The following GMDS variants were observed in gnomAD, a reference collection of about 807,000 sequenced individuals.
GMDS encodes GDP-mannose 4,6 dehydratase.
GMDS carries 20 observed loss-of-function variants against 49.9 expected under a neutral mutation model. That is an observed-to-expected ratio of 0.40 (90% CI 0.28 to 0.58). The LOEUF (loss-of-function observed/expected upper bound fraction) is 0.58, where lower values mean the gene tolerates loss of function less well. GMDS is among the 20% of genes least tolerant of loss of function. The probability of loss-of-function intolerance (pLI) is 0.42; values close to 1 mark genes in which losing one functional copy is unlikely to be tolerated. For synonymous variants in GMDS, 177 were observed against 178.6 expected, an observed-to-expected ratio of 0.99 and a Z score of 0.07; for missense variants, 362 against 481.4, an observed-to-expected ratio of 0.75 and a Z score of 2.32.
chr6:1,960,765 T>G lies in GMDS; in HGVS notation c.538+9A>C. The G allele has an allele frequency of 6.4e-7, 1 of 1,555,840 alleles. No individual in the cohort carries two copies. The highest frequency in any genetic ancestry group is 8.8e-7 in the Non-Finnish European group (1 of 1,135,310). ...ACACATGTGCTCCGGTGTGCACGCA[T>G]GTTCTCACCATAGGGTGACCGGGGA... On this transcript the variant is annotated intron_variant, in intron 5 of 10. Coordinates refer to ENST00000380815, the MANE Select transcript of GMDS (RefSeq NM_001500.4).
At chr6:1,936,153 C>G (rs1388978556) in intron 6 of GMDS, among the ~76,000 whole-genome samples, 1 of 152,166 alleles carries the variant, frequency 6.6e-6, no homozygotes, top group Non-Finnish European at 1.5e-5. Flanking sequence ...GTGCTATTAT[C>G]TTAAGCAAGT....
At position 1,798,997 on chromosome 6, in the gene GMDS, T is replaced by C. The variant is rs3778525; in HGVS notation, c.772-56411A>G. Among the ~76,000 whole-genome samples the C allele has an allele frequency of 5.9e-5, 9 of 152,336 alleles. No individual in the cohort carries two copies. The East Asian group carries it at 1.5e-3, about 26-fold the overall frequency. On this transcript the variant is annotated intron_variant, in intron 7 of 10. Coordinates refer to ENST00000380815, the MANE Select transcript of GMDS (RefSeq NM_001500.4). ...AGGGTGTTCTGGGCCTGGTCCATAC[T>C]TCACCAGCCAGCAAAGAGGCATTTT...
chr6:1,639,999 A>G (rs1466723890), intron 9 of GMDS, among the ~76,000 whole-genome samples: 1 of 152,224 alleles, frequency 6.6e-6, no homozygotes, highest in Non-Finnish European at 1.5e-5. Context: ...CTGTTGAATG[A>G]TATCGACCAA....
chr6:2,138,720 G>C lies in GMDS; in HGVS notation c.103-13989C>G, dbSNP rs375194704. On this transcript the variant is annotated intron_variant, in intron 1 of 10. Transcript: ENST00000380815. ...GTATTCCTTTACAGTAATGCAAAAC[G>C]GACTAATAAAACACTAAATTCTGCT... 2.0e-5 allele frequency among the ~76,000 whole-genome samples: 3 copies of C among 152,024 alleles called. No homozygotes were observed. The East Asian group carries it at 5.8e-4, about 29-fold the overall frequency.
intron 4 of GMDS, among the ~76,000 whole-genome samples, chr6:1,999,985 A>ATATATATATTATATATATATTT (rs1554144036): frequency 2.7e-4 from 3 of 10,936 alleles, no homozygotes; most frequent in African/African-American, 9.9e-4. Context: ...TATATATTTT[A>ATATATATATTATATATATATTT]TATATATATA....
At chr6:2,170,300 T>C (rs1273426491) in intron 1 of GMDS, among the ~76,000 whole-genome samples, 2 of 152,164 alleles carry the variant, frequency 1.3e-5, no homozygotes, top group Non-Finnish European at 2.9e-5. Context: ...TTAAATCCAT[T>C]ATCCTTGTTA....
intron 4 of GMDS, among the ~76,000 whole-genome samples, chr6:1,999,072 C>T (rs1469478089): frequency 6.6e-6 from 1 of 151,836 alleles, no homozygotes; most frequent in South Asian, 2.1e-4. Flanking sequence ...GCCTGTAATC[C>T]CAGCACTTTG....
intron 7 of GMDS, among the ~76,000 whole-genome samples, chr6:1,779,467 G>A (rs1768986147): frequency 6.6e-6 from 1 of 152,166 alleles, no homozygotes; most frequent in Non-Finnish European, 1.5e-5. Flanking sequence ...TGTGTGAATT[G>A]AGAAGCTTCT....
chr6:2,048,991 C>T (rs1055435419), intron 4 of GMDS, among the ~76,000 whole-genome samples: 5 of 152,032 alleles, frequency 3.3e-5, no homozygotes, highest in African/African-American at 1.2e-4. Context: ...ACATGGGATT[C>T]GTGCCCTTAT....
chr6:1,633,352 A>T (rs1763051785), intron 9 of GMDS, among the ~76,000 whole-genome samples: 1 of 152,168 alleles, frequency 6.6e-6, no homozygotes, highest in Admixed American at 6.5e-5. Flanking sequence ...CAAACATTTC[A>T]CAGTCTCTTG....
At chr6:1,992,554 C>A (rs965595564) in intron 4 of GMDS, among the ~76,000 whole-genome samples, 2 of 152,214 alleles carry the variant, frequency 1.3e-5, no homozygotes, top group South Asian at 2.1e-4. Flanking sequence ...CCCTAGAAAT[C>A]TGCATGGCTA....
intron 6 of GMDS, among the ~76,000 whole-genome samples, chr6:1,936,196 T>C (rs559926293): frequency 6.6e-6 from 1 of 152,280 alleles, no homozygotes; most frequent in East Asian, 1.9e-4. Flanking sequence ...ACCAATAAAA[T>C]GGGATCACAA....
intron 1 of GMDS, among the ~76,000 whole-genome samples, chr6:2,161,352 GTA>G (rs1293134953): frequency 6.6e-6 from 1 of 152,032 alleles, no homozygotes; most frequent in African/African-American, 2.4e-5. Context: ...TTAGTTCTGT[GTA>G]TATGTTAGTT....
intron 1 of GMDS, among the ~76,000 whole-genome samples, chr6:2,189,584 C>T (rs1455553607): frequency 6.6e-6 from 1 of 152,166 alleles, no homozygotes; most frequent in African/African-American, 2.4e-5. Context: ...AGCCACTGCC[C>T]TCTGTGCTCT....
chr6:1,692,907 T>G (rs1038837200), intron 9 of GMDS, among the ~76,000 whole-genome samples: 4 of 152,264 alleles, frequency 2.6e-5, no homozygotes, highest in African/African-American at 7.2e-5. Context: ...TTTTCCTGCT[T>G]CTTTGCAAGC....
Position 1,923,536 on chromosome 6 carries a change from C to T in GMDS, c.771+6567G>A, listed in dbSNP as rs143419466. ...CAGAGCAGCTGGTCTTGCTCTCTCA[C>T]GTGCTCCCTCCCACAAGGGGTTGAG... On this transcript the variant is annotated intron_variant, in intron 7 of 10. Transcript: ENST00000380815. Among the ~76,000 whole-genome samples the T allele has an allele frequency of 5.2e-4, 79 of 152,352 alleles. 1 individual carries two copies. The highest frequency in any genetic ancestry group is 1.7e-3 in the African/African-American group (71 of 41,586).
At chr6:1,880,745 T>C (rs1475598878) in intron 7 of GMDS, among the ~76,000 whole-genome samples, 1 of 152,236 alleles carries the variant, frequency 6.6e-6, no homozygotes, top group South Asian at 2.1e-4. Context: ...TCCATTAATA[T>C]ACTTCAAAAC....
intron 6 of GMDS, among the ~76,000 whole-genome samples, chr6:1,948,665 T>TA (rs928818857): frequency 1.5e-4 from 23 of 149,818 alleles, no homozygotes; most frequent in Admixed American, 4.7e-4. Flanking sequence ...GTGTCTCTAT[T>TA]AAAAAAAAAA....
intron 7 of GMDS, among the ~76,000 whole-genome samples, chr6:1,860,698 G>A (rs1758141901): frequency 6.6e-6 from 1 of 152,192 alleles, no homozygotes; most frequent in African/African-American, 2.4e-5. Flanking sequence ...GACGAGAAGA[G>A]TCTTCTCACA....
Sources: allele counts gnomAD v4.1 joint callset (sites outside exome capture counted in the v4.1 genomes callset), GRCh38; gene constraint gnomAD v4.1.1; transcripts MANE v1.5; gene names NCBI Gene and HGNC (gene_info 2026-07-23, HGNC 2026-07-21).